Variants in HMOX2 observed in about 807,000 individuals in gnomAD.
The protein encoded by HMOX2 is heme oxygenase 2.
In HMOX2, 30 loss-of-function variants were observed where a neutral mutation model predicts 33.7. That is an observed-to-expected ratio of 0.89 (90% CI 0.67 to 1.21). HMOX2 has a LOEUF of 1.21. Ranked by LOEUF, HMOX2 falls within the 50% of genes most tolerant of loss-of-function variation. The pLI, the probability that HMOX2 is intolerant of heterozygous loss-of-function variation, is 0.00. For synonymous variants in HMOX2, 155 were observed against 155.0 expected, an observed-to-expected ratio of 1.00 and a Z score of 0.00; for missense variants, 403 against 399.1, an observed-to-expected ratio of 1.01 and a Z score of -0.08.
chr16:4,503,163 C>G (rs561202641), intron 1 of HMOX2, among the ~76,000 whole-genome samples: 2 of 152,170 alleles, frequency 1.3e-5, no homozygotes, highest in South Asian at 4.2e-4. Context: ...ATTTATAAAT[C>G]AAGGTCTGAA....
chr16:4,493,054 T>C (rs1250949220), intron 1 of HMOX2, among the ~76,000 whole-genome samples: 5 of 152,044 alleles, frequency 3.3e-5, no homozygotes, highest in Non-Finnish European at 7.4e-5. Context: ...TGAGACAGAG[T>C]CTCGCTCTGT....
upstream of HMOX2, chr16:4,476,280 G>T (rs887393600): frequency 6.6e-6 from 1 of 152,304 alleles, no homozygotes; most frequent in East Asian, 1.9e-4. Flanking sequence ...GAGACCTGGG[G>T]AAAGCCACAT....
intron 1 of HMOX2, among the ~76,000 whole-genome samples, chr16:4,493,649 C>G (rs1002995093): frequency 5.3e-5 from 8 of 152,216 alleles, no homozygotes; most frequent in African/African-American, 1.9e-4. Flanking sequence ...TAGATTCTCT[C>G]ATGGCTAGGC....
chr16:4,491,226 CAA>C (rs2058297889), intron 1 of HMOX2, among the ~76,000 whole-genome samples: 1 of 152,152 alleles, frequency 6.6e-6, no homozygotes, highest in South Asian at 2.1e-4. Context: ...TCTAAAGAAA[CAA>C]AAGTGTGTCC....
chr16:4,504,203 GTAGGC>G (rs1352919172), intron 1 of HMOX2, among the ~76,000 whole-genome samples: 2 of 152,142 alleles, frequency 1.3e-5, no homozygotes, highest in Non-Finnish European at 2.9e-5. Context: ...GGTAACTCCT[GTAGGC>G]TGCCTTCTGC....
At chr16:4,500,203 C>T (rs544014093) in intron 1 of HMOX2, among the ~76,000 whole-genome samples, 9 of 152,242 alleles carry the variant, frequency 5.9e-5, no homozygotes, top group East Asian at 5.8e-4. Flanking sequence ...AATTTTATAT[C>T]GGAGTGAGCT....
intron 1 of HMOX2, among the ~76,000 whole-genome samples, chr16:4,480,684 C>G (rs9925623): frequency 0.039 from 5,483 of 139,928 alleles, 365 homozygotes; most frequent in African/African-American, 0.14. Flanking sequence ...CAGAGTTTCA[C>G]TCTTGTCACC....
intron 1 of HMOX2, among the ~76,000 whole-genome samples, chr16:4,476,922 T>G (rs13330134): frequency 0.12 from 17,580 of 152,166 alleles, 2,121 homozygotes; most frequent in African/African-American, 0.3. Context: ...CTTGGCTGTT[T>G]CCCGGGCTGT....
intron 4 of HMOX2, among the ~76,000 whole-genome samples, 181 bp from the exon 5 acceptor site, chr16:4,509,231 G>A (rs150068788): frequency 1.4e-3 from 220 of 152,234 alleles, no homozygotes; most frequent in African/African-American, 5.0e-3. Flanking sequence ...GTACACACAC[G>A]TAGGAGGATA....
At chr16:4,484,195 C>G (rs769725169) in intron 1 of HMOX2, among the ~76,000 whole-genome samples, 13 of 151,804 alleles carry the variant, frequency 8.6e-5, no homozygotes, top group Non-Finnish European at 1.6e-4. Context: ...AAGATGGTCT[C>G]AATCTCCTGA....
chr16:4,510,003 A>C lies in HMOX2; in HGVS notation c.*247A>C, dbSNP rs991562237. 1.9e-6 allele frequency: 1 copy of C among 529,634 alleles called. No individual in the cohort carries two copies. The highest frequency in any genetic ancestry group is 3.4e-6 in the Non-Finnish European group (1 of 295,724). 32.8% of individuals were successfully genotyped at this position (529,634 alleles called of 1,614,324 possible). The stretch of plus-strand genomic sequence containing the variant: ...CACAGTGCAGCAAGCCTGGCCCCCG[A>C]CCCAGCTCTACTCCAGGCTTCCACA... On this transcript the variant is annotated 3_prime_UTR_variant, in exon 6 of 6. Transcript: ENST00000570646.
intron 1 of HMOX2, among the ~76,000 whole-genome samples, chr16:4,491,033 A>G (rs1373488377): frequency 6.6e-6 from 1 of 152,196 alleles, no homozygotes; most frequent in Non-Finnish European, 1.5e-5. Flanking sequence ...AGTTGTGACA[A>G]CTAAATATGT....
intron 3 of HMOX2, 54 bp from the exon 4 acceptor site, chr16:4,507,659 T>C: frequency 1.9e-6 from 3 of 1,571,438 alleles, no homozygotes; most frequent in Non-Finnish European, 2.6e-6. Context: ...TGCATCCAGC[T>C]GCTCGGATGT....
At chr16:4,486,086 T>C (rs2058160533) in intron 1 of HMOX2, among the ~76,000 whole-genome samples, 1 of 152,214 alleles carries the variant, frequency 6.6e-6, no homozygotes, top group African/African-American at 2.4e-5. Context: ...TTGCTCTGAT[T>C]CTGAAAGGGA....
chr16:4,509,559 C>G (rs1441819432), intron 5 of HMOX2, 21 bp downstream of exon 5: 3 of 1,614,062 alleles, frequency 1.9e-6, no homozygotes, highest in Non-Finnish European at 1.7e-6. Context: ...GTGTCCTGAG[C>G]TCCCCTCCTG....
intron 1 of HMOX2, among the ~76,000 whole-genome samples, chr16:4,497,621 G>T (rs1192316604): frequency 1.3e-5 from 2 of 152,096 alleles, no homozygotes; most frequent in African/African-American, 2.4e-5. Flanking sequence ...AGTGTCTCAG[G>T]TTCTGTCCTT....
chr16:4,509,854 A>C lies in HMOX2; in HGVS notation c.*98A>C. ...AAACTACCACCTCAGGTGACTTTTT[A>C]AAAAATGCTGGGTTTAAGAAAGGCA... is the stretch of plus-strand genomic sequence containing the variant. On this transcript the variant is annotated 3_prime_UTR_variant, in exon 6 of 6. Coordinates refer to ENST00000570646, the MANE Select transcript of HMOX2 (RefSeq NM_002134.4). 7.2e-7 allele frequency: 1 copy of C among 1,392,166 alleles called. No homozygotes were observed. Among genetic ancestry groups the C allele is most frequent in the South Asian group, 1.4e-5 (1 of 73,824 alleles). 86.2% of individuals were successfully genotyped at this position (1,392,166 alleles called of 1,614,324 possible). A position where few individuals can be genotyped will look rare whatever the true frequency, so the allele number is the denominator to read the frequency against.
intron 1 of HMOX2, among the ~76,000 whole-genome samples, chr16:4,484,818 G>A (rs959901951): frequency 6.6e-6 from 1 of 152,094 alleles, no homozygotes; most frequent in Non-Finnish European, 1.5e-5. Flanking sequence ...CATATCTTCT[G>A]TATTCTTTAA....
chr16:4,477,168 G>C (rs2141493325), intron 1 of HMOX2, among the ~76,000 whole-genome samples: 1 of 152,204 alleles, frequency 6.6e-6, no homozygotes, highest in African/African-American at 2.4e-5. Context: ...GGACCTCCTT[G>C]CAGTCTTTGC....
Sources: allele counts gnomAD v4.1 joint callset (sites outside exome capture counted in the v4.1 genomes callset), GRCh38; gene constraint gnomAD v4.1.1; transcripts MANE v1.5; gene names NCBI Gene and HGNC (gene_info 2026-07-23, HGNC 2026-07-21).